Variants in PDE4D observed in about 807,000 individuals in gnomAD.
PDE4D encodes phosphodiesterase 4D.
In PDE4D, 24 loss-of-function variants were observed where a neutral mutation model predicts 87.4. The ratio of observed to expected loss-of-function variants is 0.27; its 90% CI spans 0.20 to 0.39. The LOEUF (loss-of-function observed/expected upper bound fraction) is 0.39. Ranked by LOEUF, PDE4D falls within the 10% of genes least tolerant of loss-of-function variation. PDE4D has a pLI of 1.00. For missense variants in PDE4D, 714 were observed against 1,041.0 expected, an observed-to-expected ratio of 0.69 and a Z score of 4.32; for synonymous variants, 384 against 383.2, an observed-to-expected ratio of 1.00 and a Z score of -0.02.
intron 2 of PDE4D, among the ~76,000 whole-genome samples, chr5:59,204,301 G>C (rs1748241927): frequency 6.6e-6 from 1 of 151,920 alleles, no homozygotes; most frequent in African/African-American, 2.4e-5. Context: ...TGGGACTGAA[G>C]TTTACGCAAC....
chr5:59,101,230 C>T (rs1338802451), intron 5 of PDE4D, among the ~76,000 whole-genome samples: 1 of 152,154 alleles, frequency 6.6e-6, no homozygotes, highest in East Asian at 1.9e-4. Flanking sequence ...CGACAATACA[C>T]CATGGGACTG....
At position 58,969,276 on chromosome 5, in the gene PDE4D, T is replaced by A. The variant is rs1009356542; in HGVS notation, c.*5388A>T. On this transcript the variant is annotated 3_prime_UTR_variant, in exon 15 of 15. Coordinates refer to ENST00000340635, the MANE Select transcript of PDE4D (RefSeq NM_001104631.2). ...CACGTATATAAATCTGTGAGAAGTG[T>A]TATAAAGAAAATTGAGCAGGGTTAT... is the stretch of plus-strand genomic sequence containing the variant. The A allele has an allele frequency of 6.6e-6, 1 of 152,084 alleles. No homozygotes were observed. The highest frequency in any genetic ancestry group is 1.5e-5 in the Non-Finnish European group (1 of 68,028). The allele number at this position is 152,084 out of a possible 1,614,324, so 9.4% of individuals were successfully genotyped here.
intron 1 of PDE4D, among the ~76,000 whole-genome samples, chr5:59,515,473 T>C (rs913138106): frequency 6.6e-6 from 1 of 152,104 alleles, no homozygotes; most frequent in Non-Finnish European, 1.5e-5. Context: ...GTATAAAATA[T>C]AGAGTATAAA....
At chr5:59,330,202 G>A (rs781488348) in intron 1 of PDE4D, among the ~76,000 whole-genome samples, 4 of 152,160 alleles carry the variant, frequency 2.6e-5, no homozygotes, top group Non-Finnish European at 5.9e-5. Context: ...AGAGTTAAAA[G>A]CAGGGAACAC....
intron 3 of PDE4D, among the ~76,000 whole-genome samples, chr5:59,983,755 T>C (rs1310671608): frequency 5.3e-5 from 8 of 152,182 alleles, no homozygotes; most frequent in Non-Finnish European, 1.2e-4. Context: ...GTATTGCTGG[T>C]GGGAGGGTAA....
At chr5:60,160,711 T>G (rs1205031613) in intron 2 of PDE4D, 1 of 382,880 alleles carries the variant, frequency 2.6e-6, no homozygotes, top group Non-Finnish European at 5.1e-6. Context: ...CATGGTTCTA[T>G]GGACTCTTAC....
At chr5:59,311,279 C>T (rs1386635325) in intron 1 of PDE4D, among the ~76,000 whole-genome samples, 1 of 151,862 alleles carries the variant, frequency 6.6e-6, no homozygotes, top group African/African-American at 2.4e-5. Flanking sequence ...ATAATTCCAG[C>T]ACTTTATGAG....
At chr5:59,251,348 C>T (rs1292184073) in intron 1 of PDE4D, among the ~76,000 whole-genome samples, 5 of 151,934 alleles carry the variant, frequency 3.3e-5, no homozygotes. Context: ...AACAAACAAC[C>T]CCATTAAAAG....
At chr5:59,936,578 G>C (rs545466317) in intron 3 of PDE4D, among the ~76,000 whole-genome samples, 2 of 152,290 alleles carry the variant, frequency 1.3e-5, no homozygotes, top group East Asian at 1.9e-4. Context: ...CACATTGTGA[G>C]ATAATAACTG....
intron 1 of PDE4D, among the ~76,000 whole-genome samples, chr5:59,305,615 G>T (rs1771175646): frequency 1.3e-5 from 2 of 151,958 alleles, no homozygotes; most frequent in African/African-American, 4.8e-5. Flanking sequence ...TTGTTGTTCA[G>T]TTCAAATAAT....
chr5:59,279,877 T>A (rs1765514518), intron 1 of PDE4D, among the ~76,000 whole-genome samples: 1 of 151,860 alleles, frequency 6.6e-6, no homozygotes, highest in South Asian at 2.1e-4. Flanking sequence ...TAAAAAATGC[T>A]ACCAAGTTTT....
chr5:59,785,993 G>C (rs890059987), intron 1 of PDE4D, among the ~76,000 whole-genome samples: 3 of 151,622 alleles, frequency 2.0e-5, no homozygotes, highest in African/African-American at 4.8e-5. Context: ...AGAATGGTTG[G>C]GGGGTGAGGG....
chr5:59,625,531 G>A lies in PDE4D; in HGVS notation c.455+267637C>T, dbSNP rs530769007. On this transcript the variant is annotated intron_variant, in intron 1 of 14. Transcript: ENST00000340635. ...AAAAAAAAAAAGGATATTGTTTTAA[G>A]TTGCTAAGTGTATGGAAATTTGTTA... Among the ~76,000 whole-genome samples the A allele has an allele frequency of 1.1e-4, 16 of 151,536 alleles. No homozygotes were observed. In the South Asian group the frequency reaches 3.1e-3, roughly 30 times the overall value.
chr5:59,565,731 C>T (rs1174567475), intron 1 of PDE4D, among the ~76,000 whole-genome samples: 1 of 151,392 alleles, frequency 6.6e-6, no homozygotes, highest in Non-Finnish European at 1.5e-5. Flanking sequence ...GACAGATGCT[C>T]AGGATGATTA....
At chr5:60,098,548 G>C (rs568860509) in intron 2 of PDE4D, among the ~76,000 whole-genome samples, 6 of 151,746 alleles carry the variant, frequency 4.0e-5, no homozygotes, top group Non-Finnish European at 8.8e-5. Flanking sequence ...TATTGTAAAC[G>C]GACTGTCTTT....
chr5:60,064,081 AT>A (rs1350385737), intron 2 of PDE4D, among the ~76,000 whole-genome samples: 1 of 151,958 alleles, frequency 6.6e-6, no homozygotes, highest in Non-Finnish European at 1.5e-5. Context: ...ATTTTAAGTA[AT>A]TTTTTCTCTT....
rs78587344 is a variant in PDE4D at position 59,064,744 on chromosome 5, T to C, written c.809-25773A>G. 2.7e-3 allele frequency among the ~76,000 whole-genome samples: 414 copies of C among 152,254 alleles called. 3 individuals are homozygous for C. The East Asian group carries it at 0.045, about 16-fold the overall frequency. On this transcript the variant is annotated intron_variant, in intron 5 of 14. Coordinates refer to ENST00000340635, the MANE Select transcript of PDE4D (RefSeq NM_001104631.2). ...AGAGTATCAGTAACCCTTGAATTAA[T>C]GCATCCATCAGTAATAATCCCCTCT... is the stretch of plus-strand genomic sequence containing the variant.
chr5:59,689,825 T>C (rs1324089876), intron 1 of PDE4D, among the ~76,000 whole-genome samples: 1 of 152,156 alleles, frequency 6.6e-6, no homozygotes, highest in African/African-American at 2.4e-5. Flanking sequence ...GAAAACCCCA[T>C]CGTCTCAGCC....
intron 2 of PDE4D, among the ~76,000 whole-genome samples, chr5:60,126,344 T>G (rs916744251): frequency 1.3e-5 from 2 of 152,212 alleles, no homozygotes; most frequent in African/African-American, 4.8e-5. Context: ...AATATTTTAC[T>G]TTTATTCTGC....
Sources: gnomAD v4.1 joint callset for allele counts (sites outside exome capture counted in the v4.1 genomes callset) on GRCh38, gnomAD v4.1.1 for gene constraint, MANE v1.5 for transcripts, NCBI Gene and HGNC (gene_info 2026-07-23, HGNC 2026-07-21) for gene names.